SLTM: variants seen among roughly 807,000 people sequenced by gnomAD.
SLTM encodes SAFB-like transcription modulator.
In SLTM, 43 loss-of-function variants were observed where a neutral mutation model predicts 134.6. The observed-to-expected ratio is 0.32, with a 90% CI of 0.25 to 0.41. The LOEUF (loss-of-function observed/expected upper bound fraction) is 0.41, where lower values mean the gene tolerates loss of function less well. SLTM is among the 10% of genes least tolerant of loss of function. The probability of loss-of-function intolerance (pLI) is 1.00; values close to 1 mark genes in which losing one functional copy is unlikely to be tolerated. For missense variants in SLTM, 1,055 were observed against 1,288.8 expected (o/e 0.82, Z 2.78); for synonymous variants, 424 against 432.3 (o/e 0.98, Z 0.24).
At chr15:58,920,526 G>A (rs1181618354) in intron 2 of SLTM, among the ~76,000 whole-genome samples, 2 of 151,830 alleles carry the variant, frequency 1.3e-5, no homozygotes, top group African/African-American at 4.8e-5. Context: ...GGGAGGCTGA[G>A]ACAGGAGAAT....
chr15:58,931,016 A>G (rs1419779323), intron 2 of SLTM, among the ~76,000 whole-genome samples: 1 of 152,184 alleles, frequency 6.6e-6, no homozygotes, highest in Admixed American at 6.5e-5. Context: ...CTAGCACAGC[A>G]TGCTAGGTAA....
chr15:58,888,635 A>T (rs1366385721), intron 16 of SLTM, 80 bp from the exon 17 acceptor site: 2 of 1,370,158 alleles, frequency 1.5e-6, no homozygotes, highest in African/African-American at 2.9e-5. Flanking sequence ...CATACATACC[A>T]CATGTTAGAA....
rs1320032658 is a variant in SLTM, at chr15:58,894,110, A to T, written c.1461T>A (p.Asn487Lys). 3.7e-6 allele frequency: 6 copies of T among 1,604,654 alleles called. No individual in the cohort carries two copies. Among genetic ancestry groups the T allele is most frequent in the Non-Finnish European group, 5.1e-6 (6 of 1,175,982 alleles). The change falls in exon 11 of 21, where the codon AAT becomes AAA. Residue 487 changes from asparagine to lysine, a missense_variant. By Grantham distance (94) the Asn-to-Lys change is moderately conservative. This residue lies in a region of SLTM where 776 missense variants were observed against 962.2 expected (regional missense o/e 0.81). Transcript: ENST00000380516. ...CTTACTTGCTACTTCTATCACTCGT[A>T]TTTTTTTTATCTCCAGAACTTCTTG... Reference protein sequence around the residue: ...SSSRSSGDKKNTSDRSSKTQA... With the variant: ...SSSRSSGDKKKTSDRSSKTQA...
chr15:58,899,388 T>C lies in SLTM; in HGVS notation c.1058+81A>G. 1 of 1,151,794 alleles carries C rather than the reference T, an allele frequency of 8.7e-7. No homozygotes were observed. Among genetic ancestry groups the C allele is most frequent in the Non-Finnish European group, 1.3e-6 (1 of 785,230 alleles). The allele number at this position is 1,151,794 out of a possible 1,614,324, so 71.3% of individuals were successfully genotyped here. A position where few individuals can be genotyped will look rare whatever the true frequency, so the allele number is the denominator to read the frequency against. On this transcript the variant is annotated intron_variant, in intron 7 of 20. Coordinates refer to ENST00000380516, the MANE Select transcript of SLTM (RefSeq NM_024755.4). The surrounding 1 kb of genome is among the most constrained non-coding windows in gnomAD (Gnocchi z 5.0). ...AGACACTAATTACTGTACATGTTCT[T>C]GAAGCCACCCCCTTAATGTAGAGTG...
At chr15:58,883,870 G>A in intron 19 of SLTM, 84 bp from the exon 20 acceptor site, 3 of 1,485,678 alleles carry the variant, frequency 2.0e-6, no homozygotes, top group Non-Finnish European at 2.8e-6. Flanking sequence ...GGCTGAGGCA[G>A]GCGGATCACC....
chr15:58,900,286 A>C (rs1221969832), intron 6 of SLTM: 3 of 208,364 alleles, frequency 1.4e-5, no homozygotes, highest in Non-Finnish European at 2.9e-5. Context: ...TTGTTGTTCA[A>C]TGCTGGAATT....
intron 19 of SLTM, among the ~76,000 whole-genome samples, chr15:58,884,955 T>G (rs1234870348): frequency 6.6e-6 from 1 of 152,190 alleles, no homozygotes; most frequent in Non-Finnish European, 1.5e-5. Context: ...ATTTCTGTAT[T>G]TTCTAGCACC....
rs1306678403 is a variant in SLTM at position 58,892,920 on chromosome 15, C to T, written c.1875G>A (p.Leu625=). The change falls in exon 14 of 21, where the codon CTG becomes CTA. Residue 625 remains leucine (L), a synonymous_variant. Transcript: ENST00000380516. ...ACCTTCGAAGTTCCATTGCTCGTCG[C>T]AGCCTTTCAAAACGAACTAAATGTT... The part of the protein sequence containing the change: ...LREHLVRFER[L]RRAMELRRRR... The T allele has an allele frequency of 6.2e-7, 1 of 1,613,288 alleles. No individual in the cohort carries two copies. The highest frequency in any genetic ancestry group is 1.7e-5 in the Admixed American group (1 of 59,686).
chr15:58,915,120 G>A (rs919064160), intron 3 of SLTM, among the ~76,000 whole-genome samples: 19 of 152,148 alleles, frequency 1.2e-4, no homozygotes, highest in Admixed American at 5.9e-4. Context: ...GAACCTGGGA[G>A]GTGGAGGTTG....
At chr15:58,903,430 G>A (rs1481768436) in intron 5 of SLTM, among the ~76,000 whole-genome samples, 1 of 152,022 alleles carries the variant, frequency 6.6e-6, no homozygotes, top group Non-Finnish European at 1.5e-5. Flanking sequence ...CAAAGCCTTA[G>A]AGCAGTGGTT....
At chr15:58,884,741 C>T (rs1198044175) in intron 19 of SLTM, among the ~76,000 whole-genome samples, 1 of 152,060 alleles carries the variant, frequency 6.6e-6, no homozygotes, top group Admixed American at 6.6e-5. Context: ...AAGCAATTCT[C>T]CTGCTTCAGC....
At chr15:58,892,256 C>A (rs2034706206) in intron 14 of SLTM, among the ~76,000 whole-genome samples, 1 of 152,180 alleles carries the variant, frequency 6.6e-6, no homozygotes, top group Admixed American at 6.5e-5. Flanking sequence ...TAAACTGACA[C>A]TCGTGAACTG....
At chr15:58,900,038 T>C in intron 6 of SLTM, 101 bp from the exon 7 acceptor site, 1 of 886,226 alleles carries the variant, frequency 1.1e-6, no homozygotes, top group South Asian at 1.9e-5. Flanking sequence ...AGCCAGTTAT[T>C]AGCACTGATG....
At position 58,899,487 on chromosome 15, in the gene SLTM, G is replaced by A. The variant is rs1170515219; in HGVS notation, c.1040C>T (p.Ala347Val). The A allele has an allele frequency of 1.2e-6, 2 of 1,613,924 alleles. No individual in the cohort carries two copies. Among genetic ancestry groups the A allele is most frequent in the Non-Finnish European group, 1.7e-6 (2 of 1,179,916 alleles). The change falls in exon 7 of 21, where the codon GCC (alanine) becomes GTC (valine). Residue 347 changes from alanine to valine, a missense_variant. Around this residue, in one of 3 missense-constraint regions of SLTM, gnomAD observed 776 missense variants for 962.2 expected, o/e 0.81. Transcript: ENST00000380516. The surrounding 1 kb of genome is among the most constrained non-coding windows in gnomAD (Gnocchi z 5.0). ...AACAAACCTCTTTGCTTGACCAGAG[G>A]CCCCAGTAGACGAGGGCCCTTTCTT... Reference protein sequence around the residue: ...TLKKGPSSTGASGQAKSSSKE... With the variant: ...TLKKGPSSTGVSGQAKSSSKE...
intron 4 of SLTM, 67 bp downstream of exon 4, chr15:58,913,432 A>G: frequency 7.5e-7 from 1 of 1,336,058 alleles, no homozygotes; most frequent in Non-Finnish European, 1.0e-6. Flanking sequence ...GAACTAGAAA[A>G]AAATACTTTT....
At chr15:58,911,237 G>GGCTCA (rs1364264497) in intron 5 of SLTM, among the ~76,000 whole-genome samples, 1 of 152,110 alleles carries the variant, frequency 6.6e-6, no homozygotes, top group African/African-American at 2.4e-5. Flanking sequence ...AAGCATTTGT[G>GGCTCA]GCTCACTAGC....
At chr15:58,929,997 T>C (rs1015191157) in intron 2 of SLTM, among the ~76,000 whole-genome samples, 1 of 152,304 alleles carries the variant, frequency 6.6e-6, no homozygotes, top group Non-Finnish European at 1.5e-5. Flanking sequence ...GAGATTTACA[T>C]TATATTCTTT....
Position 58,880,079 on chromosome 15 carries a change from G to C in SLTM, c.3025C>G (p.Gln1009Glu), listed in dbSNP as rs2033572659. Reference sequence around the variant, plus strand: ...CTTGGCATGGAATTGCCACTGATTTGTACAATTCTATTAATTGGGGATGCG... The same window carrying C: ...CTTGGCATGGAATTGCCACTGATTTCTACAATTCTATTAATTGGGGATGCG... ...SNASPINRIV[Q>E]ISGNSMPRGS... The change falls in exon 21 of 21, where the codon CAA (glutamine) becomes GAA (glutamate). Residue 1009 changes from glutamine (Q) to glutamate (E), a missense_variant. This residue lies in a region of SLTM where 776 missense variants were observed against 962.2 expected (regional missense o/e 0.81). Transcript: ENST00000380516. The C allele has an allele frequency of 1.2e-6, 2 of 1,613,732 alleles. No individual in the cohort carries two copies.
intron 2 of SLTM, among the ~76,000 whole-genome samples, chr15:58,928,608 A>C (rs1157291729): frequency 6.7e-6 from 1 of 150,312 alleles, no homozygotes; most frequent in Non-Finnish European, 1.5e-5. Context: ...CTTTCCCTCT[A>C]ACCTCTCTAA....
Sources: gnomAD v4.1 joint callset for allele counts (sites outside exome capture counted in the v4.1 genomes callset) on GRCh38, gnomAD v4.1.1 for gene constraint, gnomAD v4.1.1 regional missense constraint, Gnocchi (gnomAD v3.1) non-coding constraint, MANE v1.5 for transcripts, NCBI Gene and HGNC (gene_info 2026-07-23, HGNC 2026-07-21) for gene names.